NKAIN2: variants seen among roughly 807,000 people sequenced by gnomAD.
NKAIN2 encodes sodium/potassium-transporting ATPase subunit beta-1-interacting protein 2.
NKAIN2 carries 14 observed loss-of-function variants against 32.6 expected under a neutral mutation model. The observed-to-expected ratio is 0.43, with a 90% CI of 0.28 to 0.67. NKAIN2 has a LOEUF of 0.67. Ranked by LOEUF, NKAIN2 falls within the 30% of genes least tolerant of loss-of-function variation. The probability of loss-of-function intolerance (pLI) is 0.17; values close to 1 mark genes in which losing one functional copy is unlikely to be tolerated. For synonymous variants in NKAIN2, 80 were observed against 87.2 expected, an observed-to-expected ratio of 0.92 and a Z score of 0.46; for missense variants, 198 against 258.3, an observed-to-expected ratio of 0.77 and a Z score of 1.60.
chr6:123,954,443 C>G (rs1043648831), intron 1 of NKAIN2, among the ~76,000 whole-genome samples: 1 of 152,168 alleles, frequency 6.6e-6, no homozygotes, highest in Non-Finnish European at 1.5e-5. Context: ...GGAGCTCCCC[C>G]CAAATCCCAG....
Position 124,128,787 on chromosome 6 carries a change from A to G in NKAIN2, c.55-154218A>G, listed in dbSNP as rs796559619. ...GTTCATTTATCTATAAAATATGTCA[A>G]TCTTTCTTCTTGAGGTGTTATATTT... On this transcript the variant is annotated intron_variant, in intron 1 of 6. Coordinates refer to ENST00000368417, the MANE Select transcript of NKAIN2 (RefSeq NM_001040214.3). Among the ~76,000 whole-genome samples, 78 of 152,230 alleles carry G rather than the reference A, an allele frequency of 5.1e-4. 1 individual carries two copies. Among genetic ancestry groups the G allele is most frequent in the African/African-American group, 1.7e-3 (70 of 41,550 alleles).
At chr6:124,658,443 T>G in intron 4 of NKAIN2, 57 bp downstream of exon 4, 1 of 1,613,288 alleles carries the variant, frequency 6.2e-7, no homozygotes, top group Non-Finnish European at 8.5e-7. Flanking sequence ...TTTATTTCTG[T>G]GCGAACTCAG....
At chr6:124,690,635 A>G (rs1185661044) in intron 4 of NKAIN2, among the ~76,000 whole-genome samples, 2 of 152,162 alleles carry the variant, frequency 1.3e-5, no homozygotes, top group Non-Finnish European at 2.9e-5. Context: ...TTTTACCCAT[A>G]GGAGAAATTG....
chr6:124,588,161 T>G (rs1781777088), intron 3 of NKAIN2, among the ~76,000 whole-genome samples: 1 of 152,190 alleles, frequency 6.6e-6, no homozygotes, highest in Non-Finnish European at 1.5e-5. Flanking sequence ...TCATGTCTGT[T>G]TAATTATTGA....
At chr6:124,658,495 CT>C in intron 4 of NKAIN2, 109 bp downstream of exon 4, 5 of 1,551,134 alleles carry the variant, frequency 3.2e-6, no homozygotes, top group Non-Finnish European at 4.4e-6. Context: ...GGCCTTTTTG[CT>C]TTTTCCTCAT....
chr6:124,796,883 T>C (rs1161393947), intron 5 of NKAIN2, among the ~76,000 whole-genome samples: 1 of 152,214 alleles, frequency 6.6e-6, no homozygotes, highest in African/African-American at 2.4e-5. Flanking sequence ...TCACCAGCCA[T>C]GCAGAGCTTT....
chr6:124,755,718 A>T (rs961633753), intron 4 of NKAIN2, among the ~76,000 whole-genome samples: 1 of 152,224 alleles, frequency 6.6e-6, no homozygotes, highest in Non-Finnish European at 1.5e-5. Context: ...CAGAGGGTGG[A>T]AGTCAGGAGA....
At chr6:124,293,872 T>G (rs921122098) in intron 2 of NKAIN2, among the ~76,000 whole-genome samples, 1 of 152,102 alleles carries the variant, frequency 6.6e-6, no homozygotes, top group Non-Finnish European at 1.5e-5. Flanking sequence ...CATTCCAAGA[T>G]AATGGGAAGA....
intron 4 of NKAIN2, among the ~76,000 whole-genome samples, chr6:124,783,718 A>G (rs1225304426): frequency 6.6e-6 from 1 of 152,204 alleles, no homozygotes; most frequent in Non-Finnish European, 1.5e-5. Context: ...TTCATTAATA[A>G]CACTGATATA....
At chr6:124,486,256 C>G (rs1358591408) in intron 3 of NKAIN2, among the ~76,000 whole-genome samples, 1 of 152,102 alleles carries the variant, frequency 6.6e-6, no homozygotes, top group African/African-American at 2.4e-5. Flanking sequence ...GTTACAACAG[C>G]AGGATTTCAG....
At chr6:124,507,540 A>C (rs1244918949) in intron 3 of NKAIN2, among the ~76,000 whole-genome samples, 4 of 152,204 alleles carry the variant, frequency 2.6e-5, no homozygotes, top group Admixed American at 6.5e-5. Flanking sequence ...GCATCTAAAC[A>C]TTTCTCTCTA....
intron 3 of NKAIN2, among the ~76,000 whole-genome samples, chr6:124,438,450 AC>A (rs1478437927): frequency 6.6e-6 from 1 of 152,118 alleles, no homozygotes; most frequent in Non-Finnish European, 1.5e-5. Flanking sequence ...TCAACCTCTA[AC>A]TTAAACTCAG....
chr6:124,401,698 G>A (rs1034106231), intron 3 of NKAIN2, among the ~76,000 whole-genome samples: 1 of 151,918 alleles, frequency 6.6e-6, no homozygotes, highest in Non-Finnish European at 1.5e-5. Context: ...CACCTTTTTT[G>A]TATATTTTTT....
chr6:124,636,861 G>A (rs1326583139), intron 3 of NKAIN2, among the ~76,000 whole-genome samples: 1 of 151,964 alleles, frequency 6.6e-6, no homozygotes, highest in African/African-American at 2.4e-5. Flanking sequence ...AAACTGAAAA[G>A]GAAGGAATTC....
In NKAIN2 at chr6:124,355,058, C is replaced by T. The variant is rs180881816; in HGVS notation, c.193-209C>T. 2.3e-4 allele frequency among the ~76,000 whole-genome samples: 32 copies of T among 141,200 alleles called. No individual in the cohort carries two copies. The East Asian group carries it at 2.5e-3, about 11-fold the overall frequency. The allele number at this position is 141,200 out of a possible 152,430, so 92.6% of individuals were successfully genotyped here. A position where few individuals can be genotyped will look rare whatever the true frequency, so the allele number is the denominator to read the frequency against. On this transcript the variant is annotated intron_variant, in intron 2 of 6. Transcript: ENST00000368417. ...GCACTCCAGCCTGGGCAACAGAGTG[C>T]GACTTTGTCATTAAAAAAAAAAAAG... is the stretch of plus-strand genomic sequence containing the variant.
intron 1 of NKAIN2, among the ~76,000 whole-genome samples, chr6:124,102,526 C>T (rs975242075): frequency 1.4e-4 from 21 of 152,072 alleles, no homozygotes; most frequent in Admixed American, 1.2e-3. Context: ...GAGAAGGTTG[C>T]GATAACAGTA....
At chr6:123,849,592 G>A (rs1775230874) in intron 1 of NKAIN2, among the ~76,000 whole-genome samples, 1 of 152,102 alleles carries the variant, frequency 6.6e-6, no homozygotes, top group South Asian at 2.1e-4. Context: ...TATCTCTGTG[G>A]GTGTAGGCAA....
chr6:123,998,258 C>T (rs987566980), intron 1 of NKAIN2, among the ~76,000 whole-genome samples: 1 of 152,142 alleles, frequency 6.6e-6, no homozygotes, highest in African/African-American at 2.4e-5. Flanking sequence ...TTAGATAAAA[C>T]CCCCAAGGGA....
chr6:124,382,099 T>C (rs926497972), intron 3 of NKAIN2, among the ~76,000 whole-genome samples: 2 of 142,122 alleles, frequency 1.4e-5, no homozygotes, highest in Middle Eastern at 3.4e-3. Flanking sequence ...AGATTTATTA[T>C]TGAGGTAATG....
Sources: allele counts gnomAD v4.1 joint callset (sites outside exome capture counted in the v4.1 genomes callset), GRCh38; gene constraint gnomAD v4.1.1; transcripts MANE v1.5; gene names NCBI Gene and HGNC (gene_info 2026-07-23, HGNC 2026-07-21).